JMJD6: variants seen among roughly 807,000 people sequenced by gnomAD.
JMJD6 encodes the protein bifunctional arginine demethylase and lysyl-hydroxylase JMJD6.
In JMJD6, 17 loss-of-function variants were observed where a neutral mutation model predicts 45.8. That is an observed-to-expected ratio of 0.37 (90% CI 0.25 to 0.56). The LOEUF (loss-of-function observed/expected upper bound fraction) is 0.56, where lower values mean the gene tolerates loss of function less well. JMJD6 is among the 20% of genes least tolerant of loss of function. The pLI is 0.79. For synonymous variants in JMJD6, 221 were observed against 196.3 expected, an observed-to-expected ratio of 1.13 and a Z score of -1.05; for missense variants, 470 against 517.5, an observed-to-expected ratio of 0.91 and a Z score of 0.89.
At chr17:76,722,056 G>T in intron 3 of JMJD6, 123 bp from the exon 4 acceptor site, 2 of 1,040,648 alleles carry the variant, frequency 1.9e-6, no homozygotes, top group Non-Finnish European at 2.8e-6. Flanking sequence ...CATGATACAG[G>T]GTAGTTCCTT....
chr17:76,725,515 G>A lies in JMJD6; in HGVS notation c.470C>T (p.Thr157Ile). 6.2e-7 allele frequency: 1 copy of A among 1,613,900 alleles called. No individual in the cohort carries two copies. Among genetic ancestry groups the A allele is most frequent in the Non-Finnish European group, 8.5e-7 (1 of 1,180,006 alleles). ...LEDYKVPKFF[T>I]DDLFQYAGEK... ...CCCAGCATACTGGAAAAGGTCATCA[G>A]TGAAAAACTTTGGCACCTTGTAGTC... The change falls in exon 2 of 6, where the codon ACT becomes ATT. Residue 157 changes from threonine (T) to isoleucine (I), a missense_variant. Thr to Ile is a moderately conservative substitution (Grantham distance 89). Around this residue, in one of 4 missense-constraint regions of JMJD6, gnomAD observed 346 missense variants for 339.5 expected, o/e 1.02. Coordinates refer to ENST00000397625, the MANE Select transcript of JMJD6 (RefSeq NM_015167.3).
intron 5 of JMJD6, among the ~76,000 whole-genome samples, chr17:76,719,279 T>C (rs555332484): frequency 8.3e-6 from 1 of 119,946 alleles, no homozygotes; most frequent in Admixed American, 9.7e-5. Flanking sequence ...CAGTAGACTG[T>C]GTGAAAAGAC....
chr17:76,719,556 T>C (rs2076797607), intron 5 of JMJD6, among the ~76,000 whole-genome samples: 1 of 152,178 alleles, frequency 6.6e-6, no homozygotes, highest in African/African-American at 2.4e-5. Flanking sequence ...CCCAAAGTGT[T>C]GGGTTAACAG....
Position 76,721,919 on chromosome 17 carries a change from C to T in JMJD6, c.820G>A (p.Val274Ile), listed in dbSNP as rs2076830262. Residue 274 changes from valine to isoleucine, a missense_variant, in exon 4 of 6, where the codon GTT becomes ATT. This residue lies in a region of JMJD6 where 58 missense variants were observed against 103.9 expected (regional missense o/e 0.56). Transcript: ENST00000397625. ...ATAGTAGTGTCGAGATTGAGGACAA[C>T]ATGCCACCAGCCTCCTGAAATCCAA... is the stretch of plus-strand genomic sequence containing the variant. ...TVFVPGGWWH[V>I]VLNLDTTIAI... 1 of 1,614,180 alleles carries T rather than the reference C, an allele frequency of 6.2e-7. No individual in the cohort carries two copies.
At chr17:76,720,725 A>C in intron 4 of JMJD6, 1 of 425,168 alleles carries the variant, frequency 2.4e-6, no homozygotes, top group African/African-American at 1.9e-5. Context: ...AACTACACAC[A>C]ATTTACTACC....
In JMJD6 at chr17:76,723,852, C is replaced by T. The variant is rs541473621; in HGVS notation, c.725G>A (p.Arg242Gln). The stretch of plus-strand genomic sequence containing the variant: ...AGGTGGCCAGGTTGGAAGCTGTGTC[C>T]GGGGATAAATAACATTAAACCAGGT... ...AITWFNVIYP[R>Q]TQLPTWPPEF... Residue 242 changes from arginine to glutamine, a missense_variant, in exon 3 of 6, where the codon CGG becomes CAG. Transcript: ENST00000397625. The T allele has an allele frequency of 1.2e-5, 19 of 1,613,952 alleles. No homozygotes were observed. Among genetic ancestry groups the T allele is most frequent in the East Asian group, 2.2e-5 (1 of 44,898 alleles).
intron 3 of JMJD6, among the ~76,000 whole-genome samples, chr17:76,722,894 CACAA>C (rs1184099203): frequency 7.9e-6 from 1 of 126,494 alleles, no homozygotes; most frequent in Non-Finnish European, 1.7e-5. Flanking sequence ...TTTACAGAAA[CACAA>C]ACAAGCCGCT....
At position 76,725,331 on chromosome 17, in the gene JMJD6, G is replaced by A. The variant is rs554480349; in HGVS notation, c.518+136C>T. 1.6e-5 allele frequency: 13 copies of A among 799,510 alleles called. No homozygotes were observed. The South Asian group carries it at 2.0e-4, about 13-fold the overall frequency. 49.5% of individuals were successfully genotyped at this position (799,510 alleles called of 1,614,324 possible). ...TGAGGCAGGAGAAGCGCTTGAACTC[G>A]GGAGATGGAGGTTGCTGTGAGCCGA... On this transcript the variant is annotated intron_variant, in intron 2 of 5. Coordinates refer to ENST00000397625, the MANE Select transcript of JMJD6 (RefSeq NM_015167.3).
At chr17:76,720,656 G>C in intron 4 of JMJD6, 158 bp from the exon 5 acceptor site, 1 of 651,636 alleles carries the variant, frequency 1.5e-6, no homozygotes, top group East Asian at 2.6e-5. Flanking sequence ...AAAACCCCAG[G>C]CTGGGAACAA....
intron 4 of JMJD6, chr17:76,720,770 A>C: frequency 9.2e-6 from 3 of 324,598 alleles, no homozygotes; most frequent in South Asian, 6.4e-5. Context: ...CCACCAATAC[A>C]CGAGGCACAA....
At chr17:76,718,937 G>A (rs1184820339) in intron 5 of JMJD6, 77 bp from the exon 6 acceptor site, 16 of 1,424,912 alleles carry the variant, frequency 1.1e-5, no homozygotes, top group East Asian at 4.8e-5. Context: ...CTCTGACCTC[G>A]GGAGACAGCA....
chr17:76,721,132 C>T (rs540215123), intron 4 of JMJD6: 28 of 216,998 alleles, frequency 1.3e-4, no homozygotes, highest in South Asian at 2.7e-4. Flanking sequence ...AATCACAGCA[C>T]GCAGTGGCCT....
At position 76,718,565 on chromosome 17, in the gene JMJD6, G is replaced by C; in HGVS notation, c.*164C>G. On this transcript the variant is annotated 3_prime_UTR_variant, in exon 6 of 6. Coordinates refer to ENST00000397625, the MANE Select transcript of JMJD6 (RefSeq NM_015167.3). ...TATCTGCATTGGTAGCAGAGGGAAAGCTACTGGAGCAAACGCTAAGTGAAT... is the reference window on the plus strand; with the variant it reads ...TATCTGCATTGGTAGCAGAGGGAAACCTACTGGAGCAAACGCTAAGTGAAT... 1 of 1,396,642 alleles carries C rather than the reference G, an allele frequency of 7.2e-7. No individual in the cohort carries two copies. The highest frequency in any genetic ancestry group is 9.3e-7 in the Non-Finnish European group (1 of 1,077,906). 86.5% of individuals were successfully genotyped at this position (1,396,642 alleles called of 1,614,324 possible). A position where few individuals can be genotyped will look rare whatever the true frequency, so the allele number is the denominator to read the frequency against.
chr17:76,721,538 A>G lies in JMJD6; in HGVS notation c.941+260T>C, dbSNP rs558787553. The G allele has an allele frequency of 3.9e-5, 19 of 484,780 alleles. No homozygotes were observed. The East Asian group carries it at 5.2e-4, about 13-fold the overall frequency. The allele number at this position is 484,780 out of a possible 1,614,324, so 30.0% of individuals were successfully genotyped here. Reference sequence around the variant, plus strand: ...AAAACAAAACACAAAACAAAACGAGAAACAATCCCAATTATGACGTCTTGA... The same window carrying G: ...AAAACAAAACACAAAACAAAACGAGGAACAATCCCAATTATGACGTCTTGA... On this transcript the variant is annotated intron_variant, in intron 4 of 5. Transcript: ENST00000397625.
chr17:76,726,558 G>A lies in JMJD6; in HGVS notation c.-83C>T. ...TAACGCACCCCTCCCCGGCCTGGGC[G>A]GCGGCGACGGCAGTACCCAAACGCC... On this transcript the variant is annotated 5_prime_UTR_variant, in exon 1 of 6. Coordinates refer to ENST00000397625, the MANE Select transcript of JMJD6 (RefSeq NM_015167.3). 2 of 1,484,506 alleles carry A rather than the reference G, an allele frequency of 1.3e-6. No homozygotes were observed. The highest frequency in any genetic ancestry group is 1.3e-5 in the South Asian group (1 of 74,188). 92.0% of individuals were successfully genotyped at this position (1,484,506 alleles called of 1,614,324 possible).
In JMJD6 at chr17:76,726,344, C is replaced by T. The variant is rs1274184594; in HGVS notation, c.129+3G>A. 24 of 1,577,914 alleles carry T rather than the reference C, an allele frequency of 1.5e-5. No homozygotes were observed. Among genetic ancestry groups the T allele is most frequent in the Non-Finnish European group, 2.0e-5 (23 of 1,165,418 alleles). The stretch of plus-strand genomic sequence containing the variant: ...CCTGGCCACCCCCGCCCGACCCGCT[C>T]ACCGCCACGGCCGCCGGGCTCAGCG... On this transcript the variant is annotated splice_donor_region_variant and intron_variant, in intron 1 of 5. Coordinates refer to ENST00000397625, the MANE Select transcript of JMJD6 (RefSeq NM_015167.3).
chr17:76,722,932 T>C (rs1452487762), intron 3 of JMJD6, among the ~76,000 whole-genome samples: 2 of 5,856 alleles, frequency 3.4e-4, no homozygotes, highest in African/African-American at 4.7e-4. Flanking sequence ...CAAAGAAAAG[T>C]TGTATCTTTA....
chr17:76,716,800 A>G, downstream of JMJD6: 1 of 1,521,582 alleles, frequency 6.6e-7, no homozygotes, highest in Non-Finnish European at 9.1e-7. Context: ...CAATGTTAAA[A>G]GCAGGACCCC....
rs375526583 is a variant in JMJD6 at position 76,719,246 on chromosome 17, C to T, written c.1081-386G>A. Among the ~76,000 whole-genome samples, 4 of 152,166 alleles carry T rather than the reference C, an allele frequency of 2.6e-5. 1 individual carries two copies. Among genetic ancestry groups the T allele is most frequent in the South Asian group, 4.1e-4 (2 of 4,824 alleles). On this transcript the variant is annotated intron_variant, in intron 5 of 5. Transcript: ENST00000397625. ...CTGAACATTCCCAGAGCCTGTTCCC[C>T]GCCTGACGAGAAAAGACTCAATCAG...
Sources: gnomAD v4.1 joint callset for allele counts (sites outside exome capture counted in the v4.1 genomes callset) on GRCh38, gnomAD v4.1.1 for gene constraint, gnomAD v4.1.1 regional missense constraint, MANE v1.5 for transcripts, NCBI Gene and HGNC (gene_info 2026-07-23, HGNC 2026-07-21) for gene names.